The following TCF7L2 variants were observed in gnomAD, a reference collection of about 807,000 sequenced individuals.
TCF7L2 encodes the protein transcription factor 7 like 2.
A neutral mutation model predicts 77.9 loss-of-function variants in TCF7L2; 23 were observed. The ratio of observed to expected loss-of-function variants is 0.30; its 90% CI spans 0.21 to 0.42. The LOEUF is 0.42. Ranked by LOEUF, TCF7L2 falls within the 10% of genes least tolerant of loss-of-function variation. The pLI, the probability that TCF7L2 is intolerant of heterozygous loss-of-function variation, is 1.00. For missense variants in TCF7L2, 654 were observed against 793.1 expected (o/e 0.82, Z 2.11); for synonymous variants, 413 against 340.2 (o/e 1.21, Z -2.36).
rs189695994 is a variant in TCF7L2, at chr10:113,114,900, G to A, written c.553-26284G>A. ...TTCCATGTGTGCCCAATTCAATAGC[G>A]TATTGAAATGAAAGTAGGAAATAGG... On this transcript the variant is annotated intron_variant, in intron 5 of 13. Transcript: ENST00000627217. Among the ~76,000 whole-genome samples, 117 of 152,228 alleles carry A rather than the reference G, an allele frequency of 7.7e-4. 1 individual carries two copies. The highest frequency in any genetic ancestry group is 2.7e-3 in the African/African-American group (112 of 41,544).
At chr10:113,030,199 G>A (rs2049980194) in intron 4 of TCF7L2, among the ~76,000 whole-genome samples, 1 of 152,204 alleles carries the variant, frequency 6.6e-6, no homozygotes, top group African/African-American at 2.4e-5. Flanking sequence ...CTGCCTTGAA[G>A]TTAGCATATT....
rs137893235 is a variant in TCF7L2 at position 112,990,224 on chromosome 10, A to G, written c.450+25600A>G. Among the ~76,000 whole-genome samples, 505 of 152,320 alleles carry G rather than the reference A, an allele frequency of 3.3e-3. 10 individuals are homozygous for G. The highest frequency in any genetic ancestry group is 0.017 in the East Asian group (87 of 5,186). ...TTGTCCTCCTGCAAGTTTCCAGGGTATCTCAGCTTAGACACATGAATTATT... is the reference window on the plus strand; with the variant it reads ...TTGTCCTCCTGCAAGTTTCCAGGGTGTCTCAGCTTAGACACATGAATTATT... On this transcript the variant is annotated intron_variant, in intron 4 of 13. Transcript: ENST00000627217.
chr10:113,020,805 T>G (rs1399183297), intron 4 of TCF7L2, among the ~76,000 whole-genome samples: 1 of 152,090 alleles, frequency 6.6e-6, no homozygotes, highest in Non-Finnish European at 1.5e-5. Context: ...CAGTGTTGAA[T>G]GAATTCTGAG....
At chr10:113,047,598 G>A (rs994163760) in intron 5 of TCF7L2, among the ~76,000 whole-genome samples, 4 of 152,106 alleles carry the variant, frequency 2.6e-5, no homozygotes, top group African/African-American at 9.7e-5. Context: ...CTATTTTAGA[G>A]GTCTTGAGTT....
intron 5 of TCF7L2, among the ~76,000 whole-genome samples, chr10:113,127,841 A>C (rs2065900996): frequency 6.9e-6 from 1 of 144,398 alleles, no homozygotes; most frequent in South Asian, 2.2e-4. Flanking sequence ...TCTGTCTAGC[A>C]TGAGTTAGCT....
Position 113,000,895 on chromosome 10 carries a change from G to A in TCF7L2, c.450+36271G>A, listed in dbSNP as rs148867032. On this transcript the variant is annotated intron_variant, in intron 4 of 13. Transcript: ENST00000627217. ...TCCTATTTCTTCTCCTCCAAACCCC[G>A]CTAGGGCCATTCCCCCACCCTTCAC... is the stretch of plus-strand genomic sequence containing the variant. Among the ~76,000 whole-genome samples the A allele has an allele frequency of 3.9e-3, 592 of 152,230 alleles. 4 individuals carry two copies. Among genetic ancestry groups the A allele is most frequent in the African/African-American group, 0.014 (566 of 41,518 alleles).
chr10:113,137,661 C>G (rs2067626507), intron 5 of TCF7L2, among the ~76,000 whole-genome samples: 1 of 152,232 alleles, frequency 6.6e-6, no homozygotes, highest in African/African-American at 2.4e-5. Context: ...AAGCTCTGTT[C>G]TGTGATTCTA....
At chr10:112,966,601 A>T (rs1437798745) in intron 4 of TCF7L2, among the ~76,000 whole-genome samples, 1 of 152,108 alleles carries the variant, frequency 6.6e-6, no homozygotes, top group African/African-American at 2.4e-5. Flanking sequence ...GTTGAGGTTG[A>T]ATAGGATAGT....
intron 5 of TCF7L2, among the ~76,000 whole-genome samples, chr10:113,138,515 C>G (rs897089771): frequency 6.6e-6 from 1 of 152,174 alleles, no homozygotes; most frequent in African/African-American, 2.4e-5. Context: ...CCCCACATCT[C>G]CCCTTAGTCC....
At position 113,119,680 on chromosome 10, in the gene TCF7L2, T is replaced by TAA. The variant is rs57669397; in HGVS notation, c.553-21504_553-21503insAA. Reference sequence around the variant, plus strand: ...GGTGTCCCTTAAGGTGTTTTTTTTTTTAAAAAAACTTATCGAAGGTTTCAA... The same window carrying TAA: ...GGTGTCCCTTAAGGTGTTTTTTTTTTAATAAAAAAACTTATCGAAGGTTTCAA... On this transcript the variant is annotated intron_variant, in intron 5 of 13. Transcript: ENST00000627217. Among the ~76,000 whole-genome samples, 232 of 151,466 alleles carry TAA rather than the reference T, an allele frequency of 1.5e-3. 2 individuals carry two copies. Among genetic ancestry groups the TAA allele is most frequent in the African/African-American group, 1.2e-3 (48 of 41,276 alleles).
chr10:113,153,406 G>T (rs540293462), intron 11 of TCF7L2, among the ~76,000 whole-genome samples: 2 of 152,322 alleles, frequency 1.3e-5, no homozygotes, highest in South Asian at 4.1e-4. Context: ...TCTTAAGGCC[G>T]GCACAGGCCT....
intron 4 of TCF7L2, among the ~76,000 whole-genome samples, chr10:113,027,815 T>C (rs1421263501): frequency 1.3e-5 from 2 of 152,000 alleles, no homozygotes; most frequent in African/African-American, 4.8e-5. Flanking sequence ...CCACATGTCA[T>C]GCCGTCCCCA....
chr10:113,166,412 T>A lies in TCF7L2; in HGVS notation c.*440T>A, dbSNP rs996335569. 4.4e-6 allele frequency: 1 copy of A among 229,492 alleles called. No homozygotes were observed. The highest frequency in any genetic ancestry group is 6.2e-5 in the East Asian group (1 of 16,044). The allele number at this position is 229,492 out of a possible 1,614,324, so 14.2% of individuals were successfully genotyped here. A position where few individuals can be genotyped will look rare whatever the true frequency, so the allele number is the denominator to read the frequency against. ...TGCGAACCAATCATTTTACATCTGG[T>A]TTTTAAACCGTAAGGGCACCATGAA... On this transcript the variant is annotated 3_prime_UTR_variant, in exon 14 of 14. Transcript: ENST00000627217.
chr10:113,032,536 A>G (rs1430352243), intron 4 of TCF7L2, among the ~76,000 whole-genome samples: 1 of 152,222 alleles, frequency 6.6e-6, no homozygotes, highest in African/African-American at 2.4e-5. Flanking sequence ...CTTTGGGGAC[A>G]CTGAGATGTT....
intron 4 of TCF7L2, among the ~76,000 whole-genome samples, chr10:112,992,552 G>C (rs1425609869): frequency 6.6e-6 from 1 of 152,154 alleles, no homozygotes; most frequent in African/African-American, 2.4e-5. Context: ...GCCGGAGGCT[G>C]CAGGGTGCTA....
chr10:113,164,425 C>A (rs1176588718), intron 13 of TCF7L2, among the ~76,000 whole-genome samples: 1 of 152,120 alleles, frequency 6.6e-6, no homozygotes, highest in African/African-American at 2.4e-5. Flanking sequence ...TGCTGCGATT[C>A]CCTGGCACTT....
chr10:112,970,485 GCC>G (rs2038004412), intron 4 of TCF7L2, among the ~76,000 whole-genome samples: 2 of 151,738 alleles, frequency 1.3e-5, no homozygotes, highest in Admixed American at 1.3e-4. Flanking sequence ...CCCCATGTTG[GCC>G]ACTTATTCCT....
chr10:113,116,290 TA>T (rs1445658675), intron 5 of TCF7L2, among the ~76,000 whole-genome samples: 1 of 152,246 alleles, frequency 6.6e-6, no homozygotes, highest in Non-Finnish European at 1.5e-5. Flanking sequence ...TACTCTCAAG[TA>T]TTGTGGTGTT....
chr10:113,098,722 CA>C (rs142770850), intron 5 of TCF7L2, among the ~76,000 whole-genome samples: 1 of 151,554 alleles, frequency 6.6e-6, no homozygotes, highest in Non-Finnish European at 1.5e-5. Flanking sequence ...AAACAAAAAA[CA>C]AAAAAAATGT....
Sources: allele counts gnomAD v4.1 joint callset (sites outside exome capture counted in the v4.1 genomes callset), GRCh38; gene constraint gnomAD v4.1.1; transcripts MANE v1.5; gene names NCBI Gene and HGNC (gene_info 2026-07-23, HGNC 2026-07-21).